Variants in ADCY1 observed in about 807,000 individuals in gnomAD.
The protein encoded by ADCY1 is adenylate cyclase 1.
ADCY1 carries 28 observed loss-of-function variants against 105.4 expected under a neutral mutation model. That is an observed-to-expected ratio of 0.27 (90% CI 0.20 to 0.36). The LOEUF is 0.36. Ranked by LOEUF, ADCY1 falls within the 10% of genes least tolerant of loss-of-function variation. ADCY1 has a pLI of 1.00. For synonymous variants in ADCY1, 655 were observed against 623.8 expected (o/e 1.05, Z -0.75); for missense variants, 977 against 1,434.2 (o/e 0.68, Z 5.15).
At position 45,708,315 on chromosome 7, in the gene ADCY1, C is replaced by T; in HGVS notation, c.2818-35C>T. 1 of 1,526,024 alleles carries T rather than the reference C, an allele frequency of 6.6e-7. No individual in the cohort carries two copies. Among genetic ancestry groups the T allele is most frequent in the Non-Finnish European group, 9.1e-7 (1 of 1,100,944 alleles). 94.5% of individuals were successfully genotyped at this position (1,526,024 alleles called of 1,614,324 possible). A position where few individuals can be genotyped will look rare whatever the true frequency, so the allele number is the denominator to read the frequency against. On this transcript the variant is annotated intron_variant, in intron 17 of 19. Transcript: ENST00000297323. The surrounding 1 kb of genome is among the most constrained non-coding windows in gnomAD (Gnocchi z 4.7). ...CCCTGGCCCCCTCTTGCCTTGCACT[C>T]CCCAGATGTAATGACCCCATCTGTT...
chr7:45,619,972 C>G (rs1188894460), intron 3 of ADCY1, among the ~76,000 whole-genome samples: 1 of 152,158 alleles, frequency 6.6e-6, no homozygotes, highest in Middle Eastern at 3.2e-3. Flanking sequence ...CACATATACA[C>G]ATGAGTAAAC....
intron 17 of ADCY1, among the ~76,000 whole-genome samples, chr7:45,706,893 A>G (rs190464955): frequency 2.6e-5 from 4 of 152,362 alleles, no homozygotes; most frequent in Non-Finnish European, 1.5e-5. Context: ...AAAAGTGGGC[A>G]AACAATTCGA....
intron 1 of ADCY1, among the ~76,000 whole-genome samples, chr7:45,590,562 C>T (rs1436359231): frequency 6.6e-6 from 1 of 152,134 alleles, no homozygotes; most frequent in African/African-American, 2.4e-5. Flanking sequence ...GCTGAACACA[C>T]CCTAACATGC....
intron 4 of ADCY1, among the ~76,000 whole-genome samples, chr7:45,641,643 T>A (rs1794526133): frequency 6.6e-6 from 1 of 152,208 alleles, no homozygotes; most frequent in South Asian, 2.1e-4. Context: ...AAATGTCTTT[T>A]CGGCCGGGCG....
At chr7:45,694,854 A>G (rs770047706) in intron 14 of ADCY1, among the ~76,000 whole-genome samples, 40 of 152,228 alleles carry the variant, frequency 2.6e-4, no homozygotes, top group Non-Finnish European at 8.8e-5. Flanking sequence ...GGCAGGAACA[A>G]TTCTCAGCAT....
At chr7:45,682,536 G>C (rs776612279) in intron 11 of ADCY1, among the ~76,000 whole-genome samples, 1 of 152,164 alleles carries the variant, frequency 6.6e-6, no homozygotes, top group Admixed American at 6.5e-5. Flanking sequence ...CTGGACCCTG[G>C]GGATGTGGGC....
chr7:45,660,648 A>G (rs1795070691), intron 7 of ADCY1, among the ~76,000 whole-genome samples: 1 of 152,192 alleles, frequency 6.6e-6, no homozygotes, highest in Non-Finnish European at 1.5e-5. Context: ...TTCAGGGTCC[A>G]TGTGAGGGGT....
At chr7:45,621,744 A>G (rs967562272) in intron 3 of ADCY1, among the ~76,000 whole-genome samples, 2 of 152,142 alleles carry the variant, frequency 1.3e-5, no homozygotes, top group Admixed American at 6.5e-5. Context: ...TATTTCCTAT[A>G]GTGGTGCTGG....
intron 8 of ADCY1, among the ~76,000 whole-genome samples, chr7:45,670,799 C>A (rs1203658430): frequency 6.6e-6 from 1 of 151,880 alleles, no homozygotes; most frequent in Non-Finnish European, 1.5e-5. Context: ...TCTGCCCCAA[C>A]TGGAGGGTGG....
rs867576849 is a variant in ADCY1 at position 45,662,153 on chromosome 7, G to A, written c.1544G>A (p.Arg515Gln). Reference sequence around the variant, plus strand: ...CTGCTGGTGCAGCTCATGCACTGCCGGAAAATGTTCAAGGCCGAGATCCCC... The same window carrying A: ...CTGCTGGTGCAGCTCATGCACTGCCAGAAAATGTTCAAGGCCGAGATCCCC... ...CYLLVQLMHC[R>Q]KMFKAEIPFS... Residue 515 changes from arginine (R) to glutamine (Q), a missense_variant, in exon 8 of 20, where the codon CGG (arginine) becomes CAG (glutamine). Arg to Gln is a conservative substitution (Grantham distance 43). Transcript: ENST00000297323. 3 of 1,614,038 alleles carry A rather than the reference G, an allele frequency of 1.9e-6. No individual in the cohort carries two copies. Among genetic ancestry groups the A allele is most frequent in the Middle Eastern group, 1.6e-4 (1 of 6,062 alleles).
intron 5 of ADCY1, among the ~76,000 whole-genome samples, chr7:45,657,290 T>A (rs1794967946): frequency 6.6e-6 from 1 of 152,258 alleles, no homozygotes; most frequent in Admixed American, 6.5e-5. Flanking sequence ...CAGGTTGTCA[T>A]CTGCATCTGG....
chr7:45,589,776 C>T (rs1792853993), intron 1 of ADCY1, among the ~76,000 whole-genome samples: 1 of 151,474 alleles, frequency 6.6e-6, no homozygotes, highest in Non-Finnish European at 1.5e-5. Context: ...TCTTCTCAAC[C>T]ACCCTCCACC....
chr7:45,713,352 C>T (rs1454842006), intron 19 of ADCY1, among the ~76,000 whole-genome samples: 2 of 152,222 alleles, frequency 1.3e-5, no homozygotes, highest in Non-Finnish European at 2.9e-5. Context: ...GCCTGCCTGT[C>T]TGGGTGCTTC....
At position 45,574,930 on chromosome 7, in the gene ADCY1, C is replaced by T. The variant is rs1035746347; in HGVS notation, c.387C>T (p.Phe129=). 8.7e-6 allele frequency: 14 copies of T among 1,612,006 alleles called. No individual in the cohort carries two copies. Among genetic ancestry groups the T allele is most frequent in the Non-Finnish European group, 1.2e-5 (14 of 1,179,760 alleles). The change falls in exon 1 of 20, where the codon TTC becomes TTT. Residue 129 remains phenylalanine (F), a synonymous_variant. Coordinates refer to ENST00000297323, the MANE Select transcript of ADCY1 (RefSeq NM_021116.4). This position sits in a 1 kb window ranked among gnomAD's most constrained non-coding sequence, Gnocchi z 7.0. ...AGGTCGGCCAGCTGGCGCTGCTCTT[C>T]AGCCTCACCTTCGCGCTGCTCTGCT... ...LQQVGQLALL[F]SLTFALLCCP... is the part of the protein sequence containing the mutation.
intron 4 of ADCY1, among the ~76,000 whole-genome samples, chr7:45,628,496 T>C (rs1390097623): frequency 6.6e-6 from 1 of 151,758 alleles, no homozygotes; most frequent in Non-Finnish European, 1.5e-5. Context: ...GCCCAGACTC[T>C]ATCAGGGGTG....
chr7:45,624,475 G>C (rs974255278), intron 4 of ADCY1, among the ~76,000 whole-genome samples: 1 of 152,042 alleles, frequency 6.6e-6, no homozygotes, highest in African/African-American at 2.4e-5. Flanking sequence ...CAGTGGAAAA[G>C]ATCAGCACCT....
chr7:45,619,740 G>A (rs1793840765), intron 3 of ADCY1, among the ~76,000 whole-genome samples: 1 of 152,148 alleles, frequency 6.6e-6, no homozygotes, highest in South Asian at 2.1e-4. Context: ...AGAGGAAAAT[G>A]GGGTGATGTT....
At chr7:45,688,544 T>C (rs1450504221) in intron 14 of ADCY1, among the ~76,000 whole-genome samples, 1 of 152,170 alleles carries the variant, frequency 6.6e-6, no homozygotes, top group Admixed American at 6.5e-5. Flanking sequence ...CAGAAGCAGC[T>C]CAGTGGGTTT....
intron 3 of ADCY1, among the ~76,000 whole-genome samples, chr7:45,615,725 A>G (rs1323275462): frequency 2.0e-5 from 3 of 152,232 alleles, no homozygotes; most frequent in African/African-American, 4.8e-5. Context: ...GTTCATAGCA[A>G]TAAGTGCTTA....
Sources: allele counts gnomAD v4.1 joint callset (sites outside exome capture counted in the v4.1 genomes callset), GRCh38; gene constraint gnomAD v4.1.1; non-coding constraint Gnocchi (gnomAD v3.1); transcripts MANE v1.5; gene names NCBI Gene and HGNC (gene_info 2026-07-23, HGNC 2026-07-21).